The following BTD variants were observed in gnomAD, a reference collection of about 807,000 sequenced individuals.
The protein encoded by BTD is biotinidase.
In BTD, 13 loss-of-function variants were observed where a neutral mutation model predicts 17.7. The ratio of observed to expected loss-of-function variants is 0.74; its 90% CI spans 0.48 to 1.17. The LOEUF is 1.17. Among genes scored for constraint, BTD ranks in the 50% most tolerant of loss-of-function variants. The pLI, the probability that BTD is intolerant of heterozygous loss-of-function variation, is 0.00. For synonymous variants in BTD, 240 were observed against 245.2 expected, an observed-to-expected ratio of 0.98 and a Z score of 0.20; for missense variants, 674 against 650.4, an observed-to-expected ratio of 1.04 and a Z score of -0.39.
intron 2 of BTD, among the ~76,000 whole-genome samples, chr3:15,640,677 T>A (rs2065473554): frequency 6.6e-6 from 1 of 152,150 alleles, no homozygotes; most frequent in African/African-American, 2.4e-5. Context: ...AGGCGTGAAC[T>A]GCCATGCTTG....
At chr3:15,655,059 C>T (rs569856379), downstream of BTD, among the ~76,000 whole-genome samples, 2 of 152,160 alleles carry the variant, frequency 1.3e-5, no homozygotes, top group Non-Finnish European at 2.9e-5. Flanking sequence ...AGACATCAGA[C>T]ACGTCAAAGC....
intron 3 of BTD, among the ~76,000 whole-genome samples, chr3:15,659,271 T>G (rs2065899708): frequency 6.6e-6 from 1 of 151,682 alleles, no homozygotes; most frequent in Non-Finnish European, 1.5e-5. Flanking sequence ...AGGTCGTGCT[T>G]CCACACATGG....
At chr3:15,606,581 A>ATAACTGGAATTCAGT (rs1403148729) in intron 1 of BTD, 1 of 152,230 alleles carries the variant, frequency 6.6e-6, no homozygotes, top group African/African-American at 2.4e-5. Flanking sequence ...ATTGGAACAA[A>ATAACTGGAATTCAGT]TAACTGGAAT....
chr3:15,601,916 G>A (rs760124676), intron 1 of BTD, 22 bp downstream of exon 1: 6 of 1,612,968 alleles, frequency 3.7e-6, no homozygotes, highest in East Asian at 4.5e-5. Context: ...GCGTGGTGCG[G>A]CGCGGAGGGG....
In BTD at chr3:15,635,670, G is replaced by T; in HGVS notation, c.231G>T (p.Val77=). Residue 77 remains valine, a synonymous_variant, in exon 2 of 4, where the codon GTG becomes GTT. Transcript: ENST00000643237. The surrounding 1 kb of genome is among the most constrained non-coding windows in gnomAD (Gnocchi z 4.1). ...ACCTTGACATCTATGAACAGCAAGT[G>T]ATGACTGCAGCCCAAAAGGCAAGAA... ...NQNLDIYEQQ[V]MTAAQKDVQI... 1 of 1,614,224 alleles carries T rather than the reference G, an allele frequency of 6.2e-7. No homozygotes were observed. Among genetic ancestry groups the T allele is most frequent in the Non-Finnish European group, 8.5e-7 (1 of 1,180,046 alleles).
intron 3 of BTD, among the ~76,000 whole-genome samples, chr3:15,674,484 C>A (rs575159252): frequency 6.6e-6 from 1 of 152,274 alleles, no homozygotes; most frequent in East Asian, 1.9e-4. Flanking sequence ...AAAGGATCAA[C>A]AGTTCAGTTC....
At chr3:15,674,174 CA>C (rs34806568) in intron 3 of BTD, among the ~76,000 whole-genome samples, 45 of 40,286 alleles carry the variant, frequency 1.1e-3, no homozygotes, top group East Asian at 9.7e-3. Context: ...CCTGCCTCTT[CA>C]AAAAAAAAAA....
chr3:15,678,471 C>T, intron 3 of BTD: 2 of 915,316 alleles, frequency 2.2e-6, no homozygotes, highest in Middle Eastern at 3.1e-4. Flanking sequence ...GCTACAAAAG[C>T]ACTGCCTGTA....
At position 15,601,793 on chromosome 3, in the gene BTD, C is replaced by CT; in HGVS notation, c.-117dup. ...CAGGTAAGAAGCCGAACTCTGAGGC[C>CT]TCTCGCCATTGTCTCCGAGTCGGCC... On this transcript the variant is annotated 5_prime_UTR_variant, in exon 1 of 4. Transcript: ENST00000643237. The CT allele has an allele frequency of 6.2e-7, 1 of 1,613,884 alleles. No homozygotes were observed. The highest frequency in any genetic ancestry group is 8.5e-7 in the Non-Finnish European group (1 of 1,179,950).
chr3:15,666,610 C>T (rs1451171890), intron 3 of BTD, among the ~76,000 whole-genome samples: 1 of 152,190 alleles, frequency 6.6e-6, no homozygotes, highest in East Asian at 1.9e-4. Context: ...TTCCTCCCAT[C>T]GCCTATTTAT....
chr3:15,714,943 C>T (rs1160661388), downstream of BTD, among the ~76,000 whole-genome samples: 1 of 152,142 alleles, frequency 6.6e-6, no homozygotes, highest in Non-Finnish European at 1.5e-5. Context: ...AAATTTCACA[C>T]TGCTCCAACA....
chr3:15,635,359 C>G lies in BTD; in HGVS notation c.-16-65C>G. Reference sequence around the variant, plus strand: ...TGCTGGGATTAATAAATCACAGCTGCAAACGTTAAATTCTTGGCAGGATTC... The same window carrying G: ...TGCTGGGATTAATAAATCACAGCTGGAAACGTTAAATTCTTGGCAGGATTC... On this transcript the variant is annotated intron_variant, in intron 1 of 3. Coordinates refer to ENST00000643237, the MANE Select transcript of BTD (RefSeq NM_001370658.1). This position sits in a 1 kb window ranked among gnomAD's most constrained non-coding sequence, Gnocchi z 4.1. 6.2e-7 allele frequency: 1 copy of G among 1,609,908 alleles called. No individual in the cohort carries two copies.
At chr3:15,675,742 T>C (rs2066868708) in intron 3 of BTD, among the ~76,000 whole-genome samples, 1 of 152,242 alleles carries the variant, frequency 6.6e-6, no homozygotes, top group South Asian at 2.1e-4. Context: ...TTTTCCTATT[T>C]CTTTTGCCCT....
chr3:15,653,307 A>ACGGGTCTT lies in BTD; in HGVS notation c.*7820_*7827dup, dbSNP rs2065835365. Among the ~76,000 whole-genome samples the ACGGGTCTT allele has an allele frequency of 6.6e-6, 1 of 152,282 alleles. No homozygotes were observed. The highest frequency in any genetic ancestry group is 1.5e-5 in the Non-Finnish European group (1 of 68,054). On this transcript the variant is annotated 3_prime_UTR_variant, in exon 4 of 4. Transcript: ENST00000643237. ...ATGCGGTGCATACCAAAGCAGGTGCACGGGTCTTAATCATCACCTCAGTCC... is the reference window on the plus strand; with the variant it reads ...ATGCGGTGCATACCAAAGCAGGTGCACGGGTCTTCGGGTCTTAATCATCACCTCAGTCC...
rs1343039567 is a variant in BTD at position 15,649,304 on chromosome 3, T to G, written c.*3816T>G. Among the ~76,000 whole-genome samples the G allele has an allele frequency of 6.6e-6, 1 of 152,158 alleles. No individual in the cohort carries two copies. The highest frequency in any genetic ancestry group is 1.5e-5 in the Non-Finnish European group (1 of 68,034). On this transcript the variant is annotated 3_prime_UTR_variant, in exon 4 of 4. Transcript: ENST00000643237. ...ATCCAAGAGAGCACAGGTGGAGCCA[T>G]GATGTCTTTTATTAACTAGTCTCAG...
intron 3 of BTD, among the ~76,000 whole-genome samples, chr3:15,663,187 T>C (rs2065943142): frequency 6.6e-6 from 1 of 152,118 alleles, no homozygotes. Context: ...TTAGAAACGG[T>C]TTCTCCATGT....
rs1208440569 is a variant in BTD, at chr3:15,647,124, G to A, written c.*1636G>A. ...CCTGAGCAAGCCTTGGGTTCCCCAC[G>A]CCCTAGGAAGTCCCTCTGGAAGGGG... On this transcript the variant is annotated 3_prime_UTR_variant, in exon 4 of 4. Coordinates refer to ENST00000643237, the MANE Select transcript of BTD (RefSeq NM_001370658.1). The A allele has an allele frequency of 2.0e-5, 3 of 152,160 alleles. No individual in the cohort carries two copies. The highest frequency in any genetic ancestry group is 4.4e-5 in the Non-Finnish European group (3 of 68,044). The allele number at this position is 152,160 out of a possible 1,614,324, so 9.4% of individuals were successfully genotyped here. A position where few individuals can be genotyped will look rare whatever the true frequency, so the allele number is the denominator to read the frequency against.
At chr3:15,690,765 C>T (rs1344573750) in intron 3 of BTD, among the ~76,000 whole-genome samples, 1 of 152,018 alleles carries the variant, frequency 6.6e-6, no homozygotes, top group Non-Finnish European at 1.5e-5. Flanking sequence ...ATGAGGGTCT[C>T]GCTATGCTAT....
chr3:15,657,890 G>A (rs1486872005), downstream of BTD, among the ~76,000 whole-genome samples: 2 of 152,012 alleles, frequency 1.3e-5, no homozygotes, highest in African/African-American at 2.4e-5. Flanking sequence ...GGAGGGGGCC[G>A]GGCGTGGTGG....
Sources: gnomAD v4.1 joint callset for allele counts (sites outside exome capture counted in the v4.1 genomes callset) on GRCh38, gnomAD v4.1.1 for gene constraint, Gnocchi (gnomAD v3.1) non-coding constraint, MANE v1.5 for transcripts, NCBI Gene and HGNC (gene_info 2026-07-23, HGNC 2026-07-21) for gene names.